The following CMKLR2 variants were observed in gnomAD, a reference collection of about 807,000 sequenced individuals.
CMKLR2 encodes chemerin chemokine-like receptor 2.
Under a neutral mutation model 23.0 loss-of-function variants are expected in CMKLR2, and 18 were observed. That is an observed-to-expected ratio of 0.78 (90% CI 0.54 to 1.16). The LOEUF is 1.16. CMKLR2 is among the 50% of genes most tolerant of loss of function. The pLI is 0.00. For synonymous variants in CMKLR2, 158 were observed against 158.9 expected (o/e 0.99, Z 0.05); for missense variants, 401 against 412.7 (o/e 0.97, Z 0.25).
At chr2:206,186,258 C>T (rs1197254160) in intron 1 of CMKLR2, among the ~76,000 whole-genome samples, 2 of 151,832 alleles carry the variant, frequency 1.3e-5, no homozygotes, top group Admixed American at 1.3e-4. Context: ...ACTACAGGTG[C>T]CCACCACCAT....
At chr2:206,193,742 T>C (rs1688827517) in intron 1 of CMKLR2, among the ~76,000 whole-genome samples, 1 of 152,200 alleles carries the variant, frequency 6.6e-6, no homozygotes, top group South Asian at 2.1e-4. Context: ...AAATATTTTT[T>C]AAAGGCTAAA....
chr2:206,179,652 A>G (rs1288555179), intron 1 of CMKLR2, among the ~76,000 whole-genome samples: 1 of 151,988 alleles, frequency 6.6e-6, no homozygotes, highest in East Asian at 1.9e-4. Flanking sequence ...TCTTATCAAG[A>G]CCAGTTTTTC....
rs147291301 is a variant in CMKLR2, at chr2:206,176,778, A to G, written c.470T>C (p.Val157Ala). ...AGCCAAAAGCCAGATGAATATAATG[A>G]CAATCAGAGAGTTCTTGAGGGTTCG... ...RHRTLKNSLI[V>A]IIFIWLLASL... is the part of the protein sequence containing the mutation. Residue 157 changes from valine to alanine, a missense_variant, in exon 2 of 2, where the codon GTC (valine) becomes GCC (alanine). Coordinates refer to ENST00000621141, the MANE Select transcript of CMKLR2 (RefSeq NM_001389445.1). The G allele has an allele frequency of 1.5e-5, 25 of 1,614,038 alleles. No individual in the cohort carries two copies. In the African/African-American group the frequency reaches 3.2e-4, roughly 21 times the overall value.
chr2:206,180,849 G>A (rs1688390390), intron 1 of CMKLR2, among the ~76,000 whole-genome samples: 1 of 150,848 alleles, frequency 6.6e-6, no homozygotes, highest in East Asian at 1.9e-4. Context: ...CCGCCTCCCG[G>A]GTTCAAGTGA....
chr2:206,195,839 A>G (rs1028343806), intron 1 of CMKLR2, among the ~76,000 whole-genome samples: 10 of 152,246 alleles, frequency 6.6e-5, no homozygotes, highest in Middle Eastern at 3.4e-3. Context: ...CTGTAATCCC[A>G]GCTACTCGGG....
In CMKLR2 at chr2:206,177,265, A is replaced by G. The variant is rs751511503; in HGVS notation, c.-18T>C. On this transcript the variant is annotated 5_prime_UTR_variant, in exon 2 of 2. Transcript: ENST00000621141. ...TCTTCCATGACCTTGCTAAATGGAG[A>G]ATGAAGAAATCTGTAGAAGCAAATT... is the stretch of plus-strand genomic sequence containing the variant. The G allele has an allele frequency of 4.8e-6, 7 of 1,453,020 alleles. No homozygotes were observed. In the South Asian group the frequency reaches 7.7e-5, roughly 16 times the overall value. 90.0% of individuals were successfully genotyped at this position (1,453,020 alleles called of 1,614,324 possible).
intron 1 of CMKLR2, among the ~76,000 whole-genome samples, chr2:206,198,752 A>C (rs1035707231): frequency 6.6e-6 from 1 of 152,214 alleles, no homozygotes; most frequent in Non-Finnish European, 1.5e-5. Flanking sequence ...TGATTCGTGA[A>C]AGTATGGCAA....
intron 1 of CMKLR2, among the ~76,000 whole-genome samples, chr2:206,205,629 C>T (rs1188634603): frequency 6.6e-6 from 1 of 151,860 alleles, no homozygotes; most frequent in Non-Finnish European, 1.5e-5. Context: ...GCCTTGGCCT[C>T]CCAAAGTGGT....
chr2:206,206,783 G>A (rs1442459935), intron 1 of CMKLR2, among the ~76,000 whole-genome samples: 1 of 152,194 alleles, frequency 6.6e-6, no homozygotes, highest in African/African-American at 2.4e-5. Context: ...AGTAGGTTTT[G>A]ATAAAGGCAT....
intron 1 of CMKLR2, among the ~76,000 whole-genome samples, chr2:206,191,978 T>C (rs1047891590): frequency 6.6e-6 from 1 of 151,724 alleles, no homozygotes; most frequent in Non-Finnish European, 1.5e-5. Flanking sequence ...GTAGCTGGGA[T>C]TACAGGCGCA....
intron 1 of CMKLR2, among the ~76,000 whole-genome samples, chr2:206,199,669 C>T (rs1689030210): frequency 6.6e-6 from 1 of 151,454 alleles, no homozygotes; most frequent in Non-Finnish European, 1.5e-5. Context: ...AATCTCAGCT[C>T]ACTGCAACCT....
Position 206,195,709 on chromosome 2 carries a change from C to T in CMKLR2, c.-29+17598G>A, listed in dbSNP as rs1271727376. Reference sequence around the variant, plus strand: ...GTGGCTCACGCCTGTAATCCCAGCACTTTGGGAGGCCGAGGCAGGCAGATC... The same window carrying T: ...GTGGCTCACGCCTGTAATCCCAGCATTTTGGGAGGCCGAGGCAGGCAGATC... On this transcript the variant is annotated intron_variant, in intron 1 of 1. Transcript: ENST00000621141. Among the ~76,000 whole-genome samples, 4 of 152,102 alleles carry T rather than the reference C, an allele frequency of 2.6e-5. No homozygotes were observed. In the East Asian group the frequency reaches 7.7e-4, roughly 29 times the overall value.
intron 1 of CMKLR2, among the ~76,000 whole-genome samples, chr2:206,185,285 C>T (rs144659760): frequency 1.1e-4 from 17 of 152,210 alleles, no homozygotes; most frequent in African/African-American, 3.9e-4. Flanking sequence ...TGCACCCAGC[C>T]TGGTTTTAGC....
intron 1 of CMKLR2, among the ~76,000 whole-genome samples, chr2:206,213,066 G>A (rs1333460216): frequency 6.6e-6 from 1 of 152,212 alleles, no homozygotes; most frequent in Admixed American, 6.5e-5. Context: ...CTCTCTTGCA[G>A]TGTTTTAGGA....
rs1170548718 is a variant in CMKLR2 at position 206,175,328 on chromosome 2, C to G, written c.*852G>C. 6.6e-6 allele frequency: 1 copy of G among 151,890 alleles called. No individual in the cohort carries two copies. The highest frequency in any genetic ancestry group is 1.5e-5 in the Non-Finnish European group (1 of 67,988). The allele number at this position is 151,890 out of a possible 1,614,324, so 9.4% of individuals were successfully genotyped here. A position where few individuals can be genotyped will look rare whatever the true frequency, so the allele number is the denominator to read the frequency against. On this transcript the variant is annotated 3_prime_UTR_variant, in exon 2 of 2. Coordinates refer to ENST00000621141, the MANE Select transcript of CMKLR2 (RefSeq NM_001389445.1). The stretch of plus-strand genomic sequence containing the variant: ...ACTAGAACAGATGTTTTAAGATAAC[C>G]AACAATTACTTTAATTCATAAATGT...
intron 1 of CMKLR2, among the ~76,000 whole-genome samples, chr2:206,190,655 C>T (rs1284677771): frequency 2.0e-5 from 3 of 152,094 alleles, no homozygotes; most frequent in Admixed American, 6.5e-5. Flanking sequence ...AACAGAAAAG[C>T]GAACTAATTT....
At chr2:206,190,487 G>A (rs184294139) in intron 1 of CMKLR2, among the ~76,000 whole-genome samples, 29 of 152,308 alleles carry the variant, frequency 1.9e-4, no homozygotes, top group Admixed American at 5.2e-4. Flanking sequence ...AATGGAAGTC[G>A]AAGATGGAAG....
chr2:206,177,339 A>T (rs1372913383), intron 1 of CMKLR2, 64 bp from the exon 2 acceptor site: 1 of 716,998 alleles, frequency 1.4e-6, no homozygotes, highest in Non-Finnish European at 2.3e-6. Context: ...TCAGTGAATG[A>T]TAAGGAACGT....
At chr2:206,216,786 A>C (rs1689768089), upstream of CMKLR2, among the ~76,000 whole-genome samples, 1 of 152,206 alleles carries the variant, frequency 6.6e-6, no homozygotes, top group Non-Finnish European at 1.5e-5. Context: ...AAAAGAGAAG[A>C]TTTATATTAA....
Sources: allele counts gnomAD v4.1 joint callset (sites outside exome capture counted in the v4.1 genomes callset), GRCh38; gene constraint gnomAD v4.1.1; transcripts MANE v1.5; gene names NCBI Gene and HGNC (gene_info 2026-07-23, HGNC 2026-07-21).